The following CPSF1 variants were observed in gnomAD, a reference collection of about 807,000 sequenced individuals.
CPSF1 encodes the protein cleavage and polyadenylation specificity factor subunit 1.
A neutral mutation model predicts 175.8 loss-of-function variants in CPSF1; 106 were observed. The ratio of observed to expected loss-of-function variants is 0.60; its 90% CI spans 0.52 to 0.71. CPSF1 has a LOEUF of 0.71. Among genes scored for constraint, CPSF1 ranks in the 30% least tolerant of loss-of-function variants. The pLI is 0.00. For synonymous variants in CPSF1, 1,024 were observed against 858.3 expected (o/e 1.19, Z -3.37); for missense variants, 1,734 against 2,022.9 (o/e 0.86, Z 2.74).
In CPSF1 at chr8:144,400,295, T is replaced by C; in HGVS notation, c.827-19A>G. 6.2e-7 allele frequency: 1 copy of C among 1,609,058 alleles called. No individual in the cohort carries two copies. The highest frequency in any genetic ancestry group is 8.5e-7 in the Non-Finnish European group (1 of 1,176,370). On this transcript the variant is annotated intron_variant, in intron 8 of 37. Coordinates refer to ENST00000616140, the MANE Select transcript of CPSF1 (RefSeq NM_013291.3). Reference sequence around the variant, plus strand: ...ACCCCACCTGGAGGTGGACACAGGCTGGTGGGCAGGCTCAGTGCTCTCTCC... The same window carrying C: ...ACCCCACCTGGAGGTGGACACAGGCCGGTGGGCAGGCTCAGTGCTCTCTCC...
intron 2 of CPSF1, among the ~76,000 whole-genome samples, chr8:144,408,130 TCACAACC>T (rs1821594627): frequency 6.6e-6 from 1 of 152,106 alleles, no homozygotes; most frequent in African/African-American, 2.4e-5. Flanking sequence ...CAGCCCCTAT[TCACAACC>T]CTCTTGTGGC....
At position 144,395,511 on chromosome 8, in the gene CPSF1, T is replaced by C. The variant is rs1554863433; in HGVS notation, c.3020A>G (p.Tyr1007Cys). The C allele has an allele frequency of 1.3e-6, 2 of 1,525,660 alleles. No individual in the cohort carries two copies. The highest frequency in any genetic ancestry group is 1.8e-5 in the Admixed American group (1 of 54,996). 94.5% of individuals were successfully genotyped at this position (1,525,660 alleles called of 1,614,324 possible). A position where few individuals can be genotyped will look rare whatever the true frequency, so the allele number is the denominator to read the frequency against. ...CTTCCTGACAGGCCATGGGGCATCA[T>C]AGGACAGGTAGGCAGGCAGGACACT... ...RISVLPAYLS[Y>C]DAPWPVRKIP... The change falls in exon 27 of 38, where the codon TAT (tyrosine) becomes TGT (cysteine). Residue 1007 changes from tyrosine (Y) to cysteine (C), a missense_variant. Tyr to Cys is a radical substitution (Grantham distance 194). Transcript: ENST00000616140.
chr8:144,398,962 A>T lies in CPSF1; in HGVS notation c.1544T>A (p.Leu515Gln). The T allele has an allele frequency of 6.2e-7, 1 of 1,612,904 alleles. No homozygotes were observed. Among genetic ancestry groups the T allele is most frequent in the Non-Finnish European group, 8.5e-7 (1 of 1,179,912 alleles). The change falls in exon 16 of 38, where the codon CTG becomes CAG. Residue 515 changes from leucine to glutamine, a missense_variant. Leu to Gln is a moderately radical substitution (Grantham distance 113, BLOSUM62 -2). Coordinates refer to ENST00000616140, the MANE Select transcript of CPSF1 (RefSeq NM_013291.3). ...GCCCCCTACCTGCCCACACACCTGCAGCACCGACAAAGCCCCGTTCTTCCC... is the reference window on the plus strand; with the variant it reads ...GCCCCCTACCTGCCCACACACCTGCTGCACCGACAAAGCCCCGTTCTTCCC... ...GHGKNGALSV[L>Q]QKSIRPQVVT...
At position 144,401,672 on chromosome 8, in the gene CPSF1, G is replaced by C. The variant is rs1554867301; in HGVS notation, c.146C>G (p.Ala49Gly). 1 of 1,607,560 alleles carries C rather than the reference G, an allele frequency of 6.2e-7. No homozygotes were observed. Among genetic ancestry groups the C allele is most frequent in the South Asian group, 1.1e-5 (1 of 89,958 alleles). ...YVYRLNRDAE[A>G]LTKNDRSTEG... ...TGTGCTCCTGTCATTCTTGGTCAGA[G>C]CCTGGAGGGGAGAGAAAGACAGGGC... The change falls in exon 3 of 38, where the codon GCT (alanine) becomes GGT (glycine). Residue 49 changes from alanine to glycine, a missense_variant and splice_region_variant. By Grantham distance (60) the Ala-to-Gly change is moderately conservative. Around this residue, in one of 10 missense-constraint regions of CPSF1, gnomAD observed 126 missense variants for 117.9 expected, o/e 1.07. Coordinates refer to ENST00000616140, the MANE Select transcript of CPSF1 (RefSeq NM_013291.3).
chr8:144,404,954 G>A (rs1554868599), intron 2 of CPSF1, among the ~76,000 whole-genome samples: 1 of 151,550 alleles, frequency 6.6e-6, no homozygotes, highest in African/African-American at 2.4e-5. Context: ...CTGAGGCAGG[G>A]GAATCGCTTG....
rs1191219224 is a variant in CPSF1, at chr8:144,397,363, A to G, written c.2436T>C (p.Pro812=). 1.9e-6 allele frequency: 3 copies of G among 1,566,424 alleles called. No individual in the cohort carries two copies. The East Asian group carries it at 7.1e-5, about 37-fold the overall frequency. ...TGTCCACAAGGACCCGCTGCCCCAC[A>G]GGGAAGTTCTTCACCAGGAACACCA... ...WRLVFLVKNF[P]VGQRVLVDSS... Residue 812 remains proline, a synonymous_variant, in exon 23 of 38, where the codon CCT becomes CCC. Coordinates refer to ENST00000616140, the MANE Select transcript of CPSF1 (RefSeq NM_013291.3).
In CPSF1 at chr8:144,394,505, G is replaced by A. The variant is rs782150090; in HGVS notation, c.3618C>T (p.Ile1206=). ...TCTGGTGTATGTAGAGCTGCGTGTC[G>A]ATGAAGGCCATGCCCGTCAGCTCGC... ...RASELTGMAF[I]DTQLYIHQMI... Residue 1206 remains isoleucine (I), a synonymous_variant, in exon 32 of 38, where the codon ATC becomes ATT. Transcript: ENST00000616140. 1.7e-5 allele frequency: 27 copies of A among 1,609,926 alleles called. No homozygotes were observed. Among genetic ancestry groups the A allele is most frequent in the African/African-American group, 1.6e-4 (12 of 74,920 alleles).
intron 31 of CPSF1, 27 bp downstream of exon 31, chr8:144,394,617 G>GAC (rs782350061): frequency 6.2e-7 from 1 of 1,601,814 alleles, no homozygotes; most frequent in Non-Finnish European, 8.5e-7. Flanking sequence ...TGAGCCGGGG[G>GAC]ACACACGCCG....
Position 144,400,765 on chromosome 8 carries a change from C to T in CPSF1, c.592G>A (p.Glu198Lys). 2 of 1,613,892 alleles carry T rather than the reference C, an allele frequency of 1.2e-6. No individual in the cohort carries two copies. Among genetic ancestry groups the T allele is most frequent in the Non-Finnish European group, 1.7e-6 (2 of 1,179,964 alleles). The change falls in exon 7 of 38, where the codon GAG becomes AAG. Residue 198 changes from glutamate to lysine, a missense_variant. By Grantham distance (56) the Glu-to-Lys change is moderately conservative. Coordinates refer to ENST00000616140, the MANE Select transcript of CPSF1 (RefSeq NM_013291.3). ...AGGTCGATGATGTTGAGCAGCTTCT[C>T]GTCTAGGGCCCGCACGTCGATGATG... ...SYIIDVRALD[E>K]KLLNIIDLQF...
At position 144,396,692 on chromosome 8, in the gene CPSF1, T is replaced by C; in HGVS notation, c.2732A>G (p.Lys911Arg). 2.5e-6 allele frequency: 4 copies of C among 1,613,950 alleles called. 1 individual carries two copies. In the Middle Eastern group the frequency reaches 4.9e-4, roughly 200 times the overall value. The change falls in exon 25 of 38, where the codon AAG (lysine) becomes AGG (arginine). Residue 911 changes from lysine (K) to arginine (R), a missense_variant. Lys to Arg is a conservative substitution (Grantham distance 26). This residue lies in a region of CPSF1 where 585 missense variants were observed against 584.7 expected (regional missense o/e 1.00). Transcript: ENST00000616140. ...FREKKPKPSK[K>R]KAEGGGAEEG... is the part of the protein sequence containing the mutation. ...CTCTGCGCCGCCACCTTCTGCTTTC[T>C]TCTTGGATGGCTTTGGCTTCTTCTC...
chr8:144,393,685 A>G lies in CPSF1; in HGVS notation c.4127T>C (p.Leu1376Pro). The G allele has an allele frequency of 6.4e-7, 1 of 1,562,606 alleles. No individual in the cohort carries two copies. ...GGCTCACCGGAAGGCGCGGGGGTTG[A>G]GGCCGGCGTGGTGTGGCAGCATGGT... ...LTTMLPHHAG[L>P]NPRAFRMLHV... Residue 1376 changes from leucine (L) to proline (P), a missense_variant, in exon 36 of 38, where the codon CTC (leucine) becomes CCC (proline). Around this residue, in one of 10 missense-constraint regions of CPSF1, gnomAD observed 323 missense variants for 338.5 expected, o/e 0.95. Coordinates refer to ENST00000616140, the MANE Select transcript of CPSF1 (RefSeq NM_013291.3).
In CPSF1 at chr8:144,399,207, G is replaced by C. The variant is rs2116860268; in HGVS notation, c.1393-5C>G. The C allele has an allele frequency of 3.9e-4, 629 of 1,610,402 alleles. No individual in the cohort carries two copies. The highest frequency in any genetic ancestry group is 5.1e-4 in the Non-Finnish European group (607 of 1,179,080). On this transcript the variant is annotated splice_region_variant and splice_polypyrimidine_tract_variant and intron_variant, in intron 14 of 37. Coordinates refer to ENST00000616140, the MANE Select transcript of CPSF1 (RefSeq NM_013291.3). This position sits in a 1 kb window ranked among gnomAD's most constrained non-coding sequence, Gnocchi z 6.4. ...GTTCAGGATGCTGTCACACACCTGC[G>C]GCACAGCAAGAGTCAGGGGCCCGCT...
intron 2 of CPSF1, among the ~76,000 whole-genome samples, chr8:144,404,178 A>G (rs1185642620): frequency 6.6e-6 from 1 of 151,860 alleles, no homozygotes; most frequent in East Asian, 2.0e-4. Flanking sequence ...AGCCAAGATC[A>G]TGCCATTGCA....
In CPSF1 at chr8:144,396,947, G is replaced by C; in HGVS notation, c.2593-18C>G. 6.3e-7 allele frequency: 1 copy of C among 1,585,718 alleles called. No homozygotes were observed. On this transcript the variant is annotated intron_variant, in intron 23 of 37. Coordinates refer to ENST00000616140, the MANE Select transcript of CPSF1 (RefSeq NM_013291.3). ...ACATGCACCTGGCAGGATGAGGGGA[G>C]CCATGGGGGAACGGGCAGGGCCATG...
chr8:144,398,505 T>TCCCAGGC lies in CPSF1; in HGVS notation c.1752+13_1752+19dup, dbSNP rs2116851281. 1.9e-6 allele frequency: 3 copies of TCCCAGGC among 1,612,984 alleles called. No individual in the cohort carries two copies. Among genetic ancestry groups the TCCCAGGC allele is most frequent in the Middle Eastern group, 1.6e-4 (1 of 6,082 alleles). On this transcript the variant is annotated intron_variant, in intron 18 of 37. Transcript: ENST00000616140. ...GGGGACCCCAGCCCCAGGTCCCAGG[T>TCCCAGGC]CCCAGGCCCTGCCCCTCACCATGGT...
Position 144,397,612 on chromosome 8 carries a change from G to C in CPSF1, c.2260C>G (p.Leu754Val), listed in dbSNP as rs138464912. 65 of 1,534,922 alleles carry C rather than the reference G, an allele frequency of 4.2e-5. No homozygotes were observed. The highest frequency in any genetic ancestry group is 2.2e-5 in the Non-Finnish European group (25 of 1,136,806). ...GCCTCCTCCTTGCTGGGGCTGAAGA[G>C]GGAGCCCGAATCCCCATACAGCATC... ...EEMLYGDSGSLFSPSKEEARR... is the reference protein window; with the variant it reads ...EEMLYGDSGSVFSPSKEEARR... The change falls in exon 22 of 38, where the codon CTC becomes GTC. Residue 754 changes from leucine (L) to valine (V), a missense_variant. Physicochemically the swap from Leu to Val is conservative, Grantham distance 32. Transcript: ENST00000616140.
rs1554866476 is a variant in CPSF1 at position 144,400,736 on chromosome 8, C to T, written c.621G>A (p.Gln207=). The change falls in exon 7 of 38, where the codon CAG becomes CAA. Residue 207 remains glutamine, a synonymous_variant. Coordinates refer to ENST00000616140, the MANE Select transcript of CPSF1 (RefSeq NM_013291.3). ...DEKLLNIIDL[Q]FLHGYYEPTL... is the part of the protein sequence containing the mutation. ...TAGGCTCGTAGTAGCCATGCAGGAA[C>T]TGCAGGTCGATGATGTTGAGCAGCT... The T allele has an allele frequency of 1.2e-6, 2 of 1,613,690 alleles. No individual in the cohort carries two copies. The highest frequency in any genetic ancestry group is 8.5e-7 in the Non-Finnish European group (1 of 1,179,852).
rs782637551 is a variant in CPSF1, at chr8:144,398,571, C to CCGT, written c.1703_1705dup (p.Asp568dup). On this transcript the variant is annotated inframe_insertion, in exon 18 of 38. Transcript: ENST00000616140. The stretch of plus-strand genomic sequence containing the variant: ...CAGAATCAGGAATCCGTGTCTGCGG[C>CCGT]CGTCGTCGTCTGCTTCAGGGGTGGT... The CCGT allele has an allele frequency of 1.9e-6, 3 of 1,613,838 alleles. No individual in the cohort carries two copies. Among genetic ancestry groups the CCGT allele is most frequent in the Non-Finnish European group, 2.5e-6 (3 of 1,179,980 alleles).
Position 144,397,783 on chromosome 8 carries a change from G to A in CPSF1, c.2170C>T (p.Arg724Cys), listed in dbSNP as rs782446052. 7.3e-5 allele frequency: 117 copies of A among 1,609,450 alleles called. No individual in the cohort carries two copies. The highest frequency in any genetic ancestry group is 4.0e-4 in the South Asian group (36 of 91,006). ...AGGCCCTCGGCCTCCGGGCCACTGC[G>A]GCCCCCGAGCTCGTCACGGGCCCCA... ...LGGARDELGG[R>C]SGPEAEGLGS... The change falls in exon 21 of 38, where the codon CGC (arginine) becomes TGC (cysteine). Residue 724 changes from arginine (R) to cysteine (C), a missense_variant. Around this residue, in one of 10 missense-constraint regions of CPSF1, gnomAD observed 585 missense variants for 584.7 expected, o/e 1.00. Transcript: ENST00000616140.
Sources: allele counts gnomAD v4.1 joint callset (sites outside exome capture counted in the v4.1 genomes callset), GRCh38; gene constraint gnomAD v4.1.1; regional missense constraint gnomAD v4.1.1; non-coding constraint Gnocchi (gnomAD v3.1); transcripts MANE v1.5; gene names NCBI Gene and HGNC (gene_info 2026-07-23, HGNC 2026-07-21).